Variants in EXD3 observed in about 807,000 individuals in gnomAD.
The protein encoded by EXD3 is exonuclease 3'-5' domain containing 3, also known as exonuclease mut-7 homolog.
Under a neutral mutation model 98.0 loss-of-function variants are expected in EXD3, and 92 were observed. That is an observed-to-expected ratio of 0.94 (90% CI 0.79 to 1.12). EXD3 has a LOEUF of 1.12. EXD3 is among the 50% of genes most tolerant of loss of function. The pLI, the probability that EXD3 is intolerant of heterozygous loss-of-function variation, is 0.00. For missense variants in EXD3, 1,222 were observed against 1,191.6 expected, an observed-to-expected ratio of 1.03 and a Z score of -0.38; for synonymous variants, 569 against 526.0, an observed-to-expected ratio of 1.08 and a Z score of -1.12.
intron 17 of EXD3, among the ~76,000 whole-genome samples, chr9:137,342,288 C>T (rs1424979454): frequency 8.8e-6 from 1 of 113,784 alleles, no homozygotes; most frequent in East Asian, 2.6e-4. Flanking sequence ...CACCAGGAGC[C>T]GTCTCCCAGG....
chr9:137,391,722 G>A (rs1166255539), intron 2 of EXD3: 1 of 152,268 alleles, frequency 6.6e-6, no homozygotes, highest in African/African-American at 2.4e-5. Flanking sequence ...AATTTCCCAA[G>A]GAAGGCTCAA....
intron 3 of EXD3, among the ~76,000 whole-genome samples, chr9:137,380,772 G>A (rs1355072136): frequency 1.4e-5 from 2 of 144,236 alleles, no homozygotes; most frequent in Non-Finnish European, 3.0e-5. Flanking sequence ...AGTGGGGCTG[G>A]GGGGGTCCCA....
chr9:137,312,666 C>T (rs138665195), intron 19 of EXD3, among the ~76,000 whole-genome samples: 136 of 152,052 alleles, frequency 8.9e-4, no homozygotes, highest in South Asian at 4.8e-3. Flanking sequence ...TCTGGGGAGG[C>T]GCACTCAGGA....
chr9:137,354,899 G>C (rs775559431), intron 8 of EXD3, 126 bp from the exon 9 acceptor site: 1 of 933,488 alleles, frequency 1.1e-6, no homozygotes, highest in Admixed American at 2.7e-5. Flanking sequence ...CCTCTGCCCC[G>C]GAGCCCACCC....
At chr9:137,370,558 G>A (rs1835535815) in intron 5 of EXD3, among the ~76,000 whole-genome samples, 1 of 151,726 alleles carries the variant, frequency 6.6e-6, no homozygotes, top group South Asian at 2.1e-4. Context: ...GGGTCGGGGT[G>A]GGGCTGTAGA....
rs932432231 is a variant in EXD3, at chr9:137,388,835, C to T, written c.56-5458G>A. Among the ~76,000 whole-genome samples the T allele has an allele frequency of 2.2e-4, 34 of 152,180 alleles. 1 individual carries two copies. The highest frequency in any genetic ancestry group is 8.2e-4 in the African/African-American group (34 of 41,434). ...CCGCGGCAGTGAGTGTAGAAGAGCC[C>T]GGCCGCCCAGACCAGACCCCACGCG... On this transcript the variant is annotated intron_variant, in intron 2 of 21. Coordinates refer to ENST00000340951, the MANE Select transcript of EXD3 (RefSeq NM_017820.5).
chr9:137,415,034 C>A (rs28386794), intron 1 of EXD3, among the ~76,000 whole-genome samples: 11 of 150,310 alleles, frequency 7.3e-5, no homozygotes, highest in Non-Finnish European at 1.2e-4. Flanking sequence ...ATTACAGGTG[C>A]CTGCCACCAC....
At chr9:137,370,147 C>G (rs941948798) in intron 5 of EXD3, among the ~76,000 whole-genome samples, 1 of 152,106 alleles carries the variant, frequency 6.6e-6, no homozygotes, top group Non-Finnish European at 1.5e-5. Context: ...AGTAGCAGAC[C>G]CACCCCTTCC....
rs533248137 is a variant in EXD3 at position 137,372,375 on chromosome 9, C to T, written c.462+530G>A. Among the ~76,000 whole-genome samples the T allele has an allele frequency of 3.0e-4, 45 of 152,284 alleles. 1 individual carries two copies. The South Asian group carries it at 7.2e-3, about 25-fold the overall frequency. ...ACCACTCTGGGGGTGCTGTGGGAGGCGGGGCCGGCACCAGCTGCTCCCACA... is the reference window on the plus strand; with the variant it reads ...ACCACTCTGGGGGTGCTGTGGGAGGTGGGGCCGGCACCAGCTGCTCCCACA... On this transcript the variant is annotated intron_variant, in intron 5 of 21. Transcript: ENST00000340951.
rs1202897150 is a variant in EXD3 at position 137,398,917 on chromosome 9, G to A, written c.-47-3513C>T. Among the ~76,000 whole-genome samples, 8 of 143,738 alleles carry A rather than the reference G, an allele frequency of 5.6e-5. No individual in the cohort carries two copies. The South Asian group carries it at 9.0e-4, about 16-fold the overall frequency. The allele number at this position is 143,738 out of a possible 152,430, so 94.3% of individuals were successfully genotyped here. On this transcript the variant is annotated intron_variant, in intron 1 of 21. Coordinates refer to ENST00000340951, the MANE Select transcript of EXD3 (RefSeq NM_017820.5). Reference sequence around the variant, plus strand: ...GCGTCCCCAAGACACACAGGCAACCGCGTCTCCGTGACACATGTGCACCCG... The same window carrying A: ...GCGTCCCCAAGACACACAGGCAACCACGTCTCCGTGACACATGTGCACCCG...
chr9:137,385,296 C>T lies in EXD3; in HGVS notation c.56-1919G>A, dbSNP rs187693054. Among the ~76,000 whole-genome samples the T allele has an allele frequency of 7.9e-5, 12 of 151,968 alleles. No homozygotes were observed. The highest frequency in any genetic ancestry group is 2.2e-4 in the African/African-American group (9 of 41,522). ...GAGGACGGAGCAAGTGCATCAGCCC[C>T]GGGACGATGCCCAGGTGGGGAGGAC... On this transcript the variant is annotated intron_variant, in intron 2 of 21. Transcript: ENST00000340951. This position sits in a 1 kb window ranked among gnomAD's most constrained non-coding sequence, Gnocchi z 4.4.
At chr9:137,350,946 C>G in intron 14 of EXD3, 92 bp downstream of exon 14, 1 of 1,032,504 alleles carries the variant, frequency 9.7e-7, no homozygotes, top group Non-Finnish European at 1.4e-6. Flanking sequence ...CGGGAGAAGC[C>G]CAGGGCCGCT....
chr9:137,330,693 G>A (rs1294047274), intron 17 of EXD3, among the ~76,000 whole-genome samples: 1 of 152,122 alleles, frequency 6.6e-6, no homozygotes, highest in Non-Finnish European at 1.5e-5. Context: ...GAGCCAAAAG[G>A]TAGTGGAGGG....
chr9:137,394,173 T>TGCTTCCCTAACCCCAGCCTCCCAGCCTCC (rs1564204623), intron 2 of EXD3, among the ~76,000 whole-genome samples: 3 of 69,444 alleles, frequency 4.3e-5, no homozygotes, highest in Non-Finnish European at 6.2e-5. Context: ...TCCCAGCCTC[T>TGCTTCCCTAACCCCAGCCTCCCAGCCTCC]GCTTCCCTAA....
chr9:137,373,742 G>GACTTTTCATGCCGCC, intron 3 of EXD3, 143 bp from the exon 4 acceptor site: 1 of 922,234 alleles, frequency 1.1e-6, no homozygotes, highest in South Asian at 1.8e-5. Flanking sequence ...GCGCCTCCGT[G>GACTTTTCATGCCGCC]ACTTTTCATG....
chr9:137,346,156 A>C (rs1471581757), intron 17 of EXD3, among the ~76,000 whole-genome samples: 1 of 143,858 alleles, frequency 7.0e-6, no homozygotes, highest in East Asian at 2.2e-4. Flanking sequence ...GGAGAATGGC[A>C]TGAACCTGGG....
intron 19 of EXD3, among the ~76,000 whole-genome samples, chr9:137,313,177 G>A (rs1423895498): frequency 6.6e-6 from 1 of 152,160 alleles, no homozygotes; most frequent in Non-Finnish European, 1.5e-5. Context: ...CACGAGCCCT[G>A]GGACCTGCCA....
At chr9:137,352,994 G>C in intron 10 of EXD3, 4 of 1,390,494 alleles carry the variant, frequency 2.9e-6, no homozygotes, top group Non-Finnish European at 3.7e-6. Flanking sequence ...GAGGTGCTGA[G>C]GCAAAGGCTG....
intron 20 of EXD3, among the ~76,000 whole-genome samples, chr9:137,308,102 G>A (rs1048567654): frequency 4.6e-5 from 7 of 151,974 alleles, no homozygotes; most frequent in African/African-American, 1.4e-4. Context: ...GAAGTGGCTC[G>A]TGCTGGCCCT....
Sources: gnomAD v4.1 joint callset for allele counts (sites outside exome capture counted in the v4.1 genomes callset) on GRCh38, gnomAD v4.1.1 for gene constraint, Gnocchi (gnomAD v3.1) non-coding constraint, MANE v1.5 for transcripts, NCBI Gene and HGNC (gene_info 2026-07-23, HGNC 2026-07-21) for gene names.